The following PLEKHG1 variants were observed in gnomAD, a reference collection of about 807,000 sequenced individuals.
PLEKHG1 encodes pleckstrin homology domain-containing family G member 1.
A neutral mutation model predicts 100.8 loss-of-function variants in PLEKHG1; 44 were observed. The ratio of observed to expected loss-of-function variants is 0.44; its 90% CI spans 0.34 to 0.56. PLEKHG1 has a LOEUF of 0.56. PLEKHG1 is among the 20% of genes least tolerant of loss of function. The pLI, the probability that PLEKHG1 is intolerant of heterozygous loss-of-function variation, is 0.01. For missense variants in PLEKHG1, 1,545 were observed against 1,720.9 expected (o/e 0.90, Z 1.81); for synonymous variants, 640 against 662.5 (o/e 0.97, Z 0.52).
chr6:150,759,806 G>T (rs1335750846), intron 2 of PLEKHG1, among the ~76,000 whole-genome samples: 1 of 151,994 alleles, frequency 6.6e-6, no homozygotes, highest in Non-Finnish European at 1.5e-5. Flanking sequence ...GGAGTCTCCT[G>T]GGCAACATAG....
chr6:150,837,274 G>T (rs1294594440), intron 15 of PLEKHG1, among the ~76,000 whole-genome samples: 1 of 152,350 alleles, frequency 6.6e-6, no homozygotes, highest in Non-Finnish European at 1.5e-5. Flanking sequence ...CAACAGCTAG[G>T]TACACACTAT....
At chr6:150,725,294 C>A (rs76256296) in intron 1 of PLEKHG1, among the ~76,000 whole-genome samples, 234 of 152,266 alleles carry the variant, frequency 1.5e-3, no homozygotes, top group African/African-American at 5.1e-3. Flanking sequence ...AACAGCCCCC[C>A]CTCCTAATAC....
At chr6:150,636,372 G>C (rs1243472116) in intron 1 of PLEKHG1, among the ~76,000 whole-genome samples, 2 of 152,114 alleles carry the variant, frequency 1.3e-5, no homozygotes, top group Non-Finnish European at 2.9e-5. Flanking sequence ...TGTGTCTTTT[G>C]AGCCGTTCTG....
chr6:150,765,704 T>A (rs1172557587), intron 2 of PLEKHG1, among the ~76,000 whole-genome samples: 1 of 152,170 alleles, frequency 6.6e-6, no homozygotes, highest in African/African-American at 2.4e-5. Context: ...GAGGGGCAAG[T>A]GTGTGTGTTT....
At chr6:150,643,025 C>T (rs1778335570) in intron 2 of PLEKHG1, among the ~76,000 whole-genome samples, 1 of 152,144 alleles carries the variant, frequency 6.6e-6, no homozygotes, top group South Asian at 2.1e-4. Flanking sequence ...ACGGAATCCC[C>T]AGTTCTTTGG....
At position 150,676,029 on chromosome 6, in the gene PLEKHG1, C is replaced by T. The variant is rs1348791593; in HGVS notation, c.-99+25243C>T. On this transcript the variant is annotated intron_variant, in intron 3 of 3. Coordinates refer to the PLEKHG1 transcript ENST00000367326. ...CATATAATATATCACAGTGAACTCCCAATGAACTAAAGAATTACAGATTTG... is the reference window on the plus strand; with the variant it reads ...CATATAATATATCACAGTGAACTCCTAATGAACTAAAGAATTACAGATTTG... 3.3e-5 allele frequency among the ~76,000 whole-genome samples: 5 copies of T among 152,054 alleles called. No homozygotes were observed. The East Asian group carries it at 7.7e-4, about 23-fold the overall frequency.
chr6:150,679,895 G>A (rs749061559), intron 3 of PLEKHG1, among the ~76,000 whole-genome samples: 8 of 152,282 alleles, frequency 5.3e-5, no homozygotes, highest in Non-Finnish European at 8.8e-5. Flanking sequence ...GAACTGAGGC[G>A]GGGGCAGAAA....
intron 3 of PLEKHG1, among the ~76,000 whole-genome samples, chr6:150,657,433 T>C (rs766117693): frequency 2.2e-4 from 34 of 152,364 alleles, no homozygotes; most frequent in Non-Finnish European, 4.4e-4. Context: ...AAAATACTGC[T>C]TATTTTCTGT....
In PLEKHG1 at chr6:150,649,705, T is replaced by G. The variant is rs533605111; in HGVS notation, c.-157-1023T>G. ...CAGCCTGGCCAACATGGTGAAACCC[T>G]GTCGCTACTAAAAATACAAAAAATG... On this transcript the variant is annotated intron_variant, in intron 2 of 3. Coordinates refer to the PLEKHG1 transcript ENST00000367326. 4.1e-3 allele frequency among the ~76,000 whole-genome samples: 617 copies of G among 152,178 alleles called. 1 individual carries two copies. The highest frequency in any genetic ancestry group is 6.2e-3 in the Non-Finnish European group (424 of 67,984).
chr6:150,828,691 G>A (rs1776748311), intron 14 of PLEKHG1, among the ~76,000 whole-genome samples: 1 of 151,604 alleles, frequency 6.6e-6, no homozygotes, highest in Admixed American at 6.6e-5. Context: ...AATTTTCTGG[G>A]ATGGACGATC....
At chr6:150,764,021 C>G (rs1784320843) in intron 2 of PLEKHG1, among the ~76,000 whole-genome samples, 1 of 152,172 alleles carries the variant, frequency 6.6e-6, no homozygotes, top group African/African-American at 2.4e-5. Flanking sequence ...CCACCTGACT[C>G]AGGGTTAGGA....
chr6:150,712,393 T>C (rs1781272989), intron 3 of PLEKHG1, among the ~76,000 whole-genome samples: 1 of 152,164 alleles, frequency 6.6e-6, no homozygotes, highest in Non-Finnish European at 1.5e-5. Context: ...AGACCTGCCA[T>C]GTAAATTCAT....
chr6:150,614,485 CAGCTGTTTTATGGA>C (rs576277775), intron 1 of PLEKHG1, among the ~76,000 whole-genome samples: 12,068 of 152,212 alleles, frequency 0.079, 541 homozygotes, highest in Non-Finnish European at 0.1. Context: ...TGGCCGTTAG[CAGCTGTTTTATGGA>C]CAGTGGTGGT....
chr6:150,646,033 C>G (rs55886219), intron 2 of PLEKHG1, among the ~76,000 whole-genome samples: 1 of 152,166 alleles, frequency 6.6e-6, no homozygotes, highest in African/African-American at 2.4e-5. Context: ...CAATAACATA[C>G]TATCCACCAG....
intron 10 of PLEKHG1, among the ~76,000 whole-genome samples, chr6:150,814,963 A>G (rs912166539): frequency 6.6e-6 from 1 of 151,970 alleles, no homozygotes; most frequent in African/African-American, 2.4e-5. Flanking sequence ...CAAGTGATCC[A>G]CCTGCCTCAG....
At position 150,609,694 on chromosome 6, in the gene PLEKHG1, G is replaced by A. The variant is rs752861597; in HGVS notation, c.-204+9677G>A. ...GCACAATTACCACTCTGCCTGCTGC[G>A]TAGGAAAAGAGCTGTCATGGAAAGT... On this transcript the variant is annotated intron_variant, in intron 1 of 3. Coordinates refer to the PLEKHG1 transcript ENST00000367326. Among the ~76,000 whole-genome samples the A allele has an allele frequency of 5.9e-5, 9 of 152,322 alleles. No homozygotes were observed. In the East Asian group the frequency reaches 1.2e-3, roughly 20 times the overall value.
chr6:150,697,537 T>G (rs1044812843), intron 3 of PLEKHG1, among the ~76,000 whole-genome samples: 4 of 152,190 alleles, frequency 2.6e-5, no homozygotes, highest in Non-Finnish European at 5.9e-5. Flanking sequence ...CTGAACAAGC[T>G]TCTCCTAATT....
intron 1 of PLEKHG1, among the ~76,000 whole-genome samples, chr6:150,722,014 G>A (rs113280478): frequency 8.1e-6 from 1 of 122,840 alleles, no homozygotes; most frequent in Non-Finnish European, 1.8e-5. Context: ...TATTGAAGAA[G>A]AGATATTTAC....
At chr6:150,711,806 C>G (rs560019353) in intron 3 of PLEKHG1, among the ~76,000 whole-genome samples, 1 of 152,198 alleles carries the variant, frequency 6.6e-6, no homozygotes, top group East Asian at 1.9e-4. Context: ...CAGCAGATAT[C>G]AAATTCACAA....
Sources: allele counts gnomAD v4.1 joint callset (sites outside exome capture counted in the v4.1 genomes callset), GRCh38; gene constraint gnomAD v4.1.1; transcripts MANE v1.5; gene names NCBI Gene and HGNC (gene_info 2026-07-23, HGNC 2026-07-21).